The following TNS3 variants were observed in gnomAD, a reference collection of about 807,000 sequenced individuals.
The protein encoded by TNS3 is tensin 3, also known as tensin-3.
Under a neutral mutation model 140.9 loss-of-function variants are expected in TNS3, and 45 were observed. That is an observed-to-expected ratio of 0.32 (90% CI 0.25 to 0.41). TNS3 has a LOEUF of 0.41. TNS3 is among the 10% of genes least tolerant of loss of function. The probability of loss-of-function intolerance (pLI) is 1.00; values close to 1 mark genes in which losing one functional copy is unlikely to be tolerated. For missense variants in TNS3, 1,716 were observed against 1,906.7 expected (o/e 0.90, Z 1.86); for synonymous variants, 815 against 788.4 (o/e 1.03, Z -0.56).
At position 47,345,369 on chromosome 7, in the gene TNS3, C is replaced by G. The variant is rs965349998; in HGVS notation, c.2452-331G>C. ...AGTATCTCAATATTAAGCGAAAAAG[C>G]TGGATAAAACAGTCCTTACCCATGG... On this transcript the variant is annotated intron_variant, in intron 18 of 30. Coordinates refer to ENST00000311160, the MANE Select transcript of TNS3 (RefSeq NM_022748.12). Among the ~76,000 whole-genome samples, 6 of 152,236 alleles carry G rather than the reference C, an allele frequency of 3.9e-5. No homozygotes were observed. In the East Asian group the frequency reaches 1.2e-3, roughly 29 times the overall value.
intron 10 of TNS3, among the ~76,000 whole-genome samples, chr7:47,418,464 G>A (rs1794200932): frequency 6.6e-6 from 1 of 152,182 alleles, no homozygotes; most frequent in Non-Finnish European, 1.5e-5. Context: ...GGTATCAGAT[G>A]CCCTCTAAAG....
intron 2 of TNS3, among the ~76,000 whole-genome samples, chr7:47,509,454 C>T (rs1022292175): frequency 6.6e-6 from 1 of 152,130 alleles, no homozygotes; most frequent in African/African-American, 2.4e-5. Flanking sequence ...AGGCAGTGTA[C>T]AAGATACTTT....
chr7:47,579,060 G>A (rs908997349), intron 1 of TNS3: 4 of 152,272 alleles, frequency 2.6e-5, no homozygotes, highest in African/African-American at 9.7e-5. Context: ...CTTCACTGTG[G>A]GGGCAGAAAG....
chr7:47,335,534 C>T (rs540965631), intron 20 of TNS3, among the ~76,000 whole-genome samples: 28 of 152,312 alleles, frequency 1.8e-4, no homozygotes, highest in Middle Eastern at 6.8e-3. Context: ...TGGGCACAAG[C>T]ACATCTCTGG....
At chr7:47,370,880 C>T (rs1261998193) in intron 16 of TNS3, among the ~76,000 whole-genome samples, 1 of 152,246 alleles carries the variant, frequency 6.6e-6, no homozygotes, top group Admixed American at 6.5e-5. Flanking sequence ...ATGTGCCTCA[C>T]AGCCCCGGGC....
chr7:47,527,076 CA>C (rs5884014), intron 2 of TNS3, among the ~76,000 whole-genome samples: 18,073 of 148,128 alleles, frequency 0.12, 1,541 homozygotes, highest in African/African-American at 0.24. Context: ...ATTAAAAATA[CA>C]AAAAAAAAAA....
chr7:47,549,852 G>C (rs1439174645), intron 1 of TNS3, among the ~76,000 whole-genome samples: 3 of 152,178 alleles, frequency 2.0e-5, no homozygotes, highest in Non-Finnish European at 4.4e-5. Flanking sequence ...CTGGCACACA[G>C]ACCACCTACT....
chr7:47,389,013 AAGAAGAAG>A (rs1792265508), intron 16 of TNS3, among the ~76,000 whole-genome samples: 1 of 2,772 alleles, frequency 3.6e-4, no homozygotes, highest in Non-Finnish European at 9.3e-4. Context: ...GAAGAAGAAG[AAGAAGAAG>A]AAGAAGAAGA....
chr7:47,571,873 G>A (rs761407518), intron 1 of TNS3, among the ~76,000 whole-genome samples: 8 of 152,204 alleles, frequency 5.3e-5, no homozygotes, highest in African/African-American at 1.7e-4. Flanking sequence ...TGCCCCGTGC[G>A]TGGTGTCCCA....
At chr7:47,291,844 G>A in intron 27 of TNS3, 111 bp downstream of exon 27, 1 of 1,202,656 alleles carries the variant, frequency 8.3e-7, no homozygotes, top group African/African-American at 1.5e-5. Context: ...CTCCTTCAAG[G>A]CTCACAGAAA....
At position 47,445,707 on chromosome 7, in the gene TNS3, T is replaced by G. The variant is rs561142965; in HGVS notation, c.-75-3652A>C. Among the ~76,000 whole-genome samples, 6 of 152,272 alleles carry G rather than the reference T, an allele frequency of 3.9e-5. No individual in the cohort carries two copies. The South Asian group carries it at 1.2e-3, about 32-fold the overall frequency. Reference sequence around the variant, plus strand: ...TCTGGAACCAAGTAGAGGACATGCCTATGACAGGTCCCCCTGACACACTGG... The same window carrying G: ...TCTGGAACCAAGTAGAGGACATGCCGATGACAGGTCCCCCTGACACACTGG... On this transcript the variant is annotated intron_variant, in intron 4 of 30. Transcript: ENST00000311160.
At chr7:47,489,850 G>A (rs1473686571) in intron 3 of TNS3, among the ~76,000 whole-genome samples, 1 of 152,192 alleles carries the variant, frequency 6.6e-6, no homozygotes, top group African/African-American at 2.4e-5. Flanking sequence ...CCTGCAGTGA[G>A]TCTGTCTTAC....
At chr7:47,410,041 A>G (rs1793680344) in intron 13 of TNS3, among the ~76,000 whole-genome samples, 1 of 152,164 alleles carries the variant, frequency 6.6e-6, no homozygotes, top group South Asian at 2.1e-4. Context: ...GGTGCTCAAT[A>G]CAGACTCAGG....
chr7:47,303,175 T>C lies in TNS3; in HGVS notation c.3232A>G (p.Ser1078Gly), dbSNP rs1786513628. ...HNFLTVAPGH[S>G]SHHSPGLQGQ... ...TGCAGGCCTGGACTGTGGTGGCTGC[T>C]GTGTCCAGGCGCCACCGTGAGAAAG... The change falls in exon 22 of 31, where the codon AGC becomes GGC. Residue 1078 changes from serine (S) to glycine (G), a missense_variant. Ser to Gly is a moderately conservative substitution (Grantham distance 56, BLOSUM62 0). Around this residue, in one of 3 missense-constraint regions of TNS3, gnomAD observed 1,163 missense variants for 1,182.1 expected, o/e 0.98. Transcript: ENST00000311160. The C allele has an allele frequency of 8.7e-6, 14 of 1,613,594 alleles. No individual in the cohort carries two copies. The highest frequency in any genetic ancestry group is 2.2e-5 in the East Asian group (1 of 44,866).
At chr7:47,377,268 G>C (rs947063512) in intron 16 of TNS3, among the ~76,000 whole-genome samples, 2 of 152,210 alleles carry the variant, frequency 1.3e-5, no homozygotes, top group African/African-American at 2.4e-5. Flanking sequence ...AGACAGAGAG[G>C]CTTCGGTTTC....
At chr7:47,572,926 T>C (rs1800591922) in intron 1 of TNS3, among the ~76,000 whole-genome samples, 1 of 152,138 alleles carries the variant, frequency 6.6e-6, no homozygotes, top group Non-Finnish European at 1.5e-5. Context: ...ACTCAAATTT[T>C]TCATCAGAAT....
At chr7:47,461,567 G>A (rs1302096160) in intron 4 of TNS3, among the ~76,000 whole-genome samples, 1 of 152,192 alleles carries the variant, frequency 6.6e-6, no homozygotes, top group Non-Finnish European at 1.5e-5. Flanking sequence ...TGTTACTACT[G>A]AGGAGCCGGG....
intron 13 of TNS3, among the ~76,000 whole-genome samples, chr7:47,406,667 A>T (rs1225296526): frequency 2.0e-5 from 3 of 152,234 alleles, no homozygotes; most frequent in Non-Finnish European, 4.4e-5. Flanking sequence ...AGCCATCTGC[A>T]GTCTTCAGGG....
chr7:47,311,976 C>G (rs965190833), intron 20 of TNS3, among the ~76,000 whole-genome samples: 1 of 152,204 alleles, frequency 6.6e-6, no homozygotes, highest in Non-Finnish European at 1.5e-5. Context: ...CTAATGTTTT[C>G]AACATTTAAT....
Sources: allele counts gnomAD v4.1 joint callset (sites outside exome capture counted in the v4.1 genomes callset), GRCh38; gene constraint gnomAD v4.1.1; regional missense constraint gnomAD v4.1.1; transcripts MANE v1.5; gene names NCBI Gene and HGNC (gene_info 2026-07-23, HGNC 2026-07-21).